The following CYP3A43 variants were observed in gnomAD, a reference collection of about 807,000 sequenced individuals.
The protein encoded by CYP3A43 is cytochrome P450 family 3 subfamily A member 43, also known as cytochrome P450 3A43.
In CYP3A43, 45 loss-of-function variants were observed where a neutral mutation model predicts 58.0. The observed-to-expected ratio is 0.78, with a 90% CI of 0.61 to 0.99. The LOEUF is 0.99. Among genes scored for constraint, CYP3A43 ranks in the 50% least tolerant of loss-of-function variants. The pLI, the probability that CYP3A43 is intolerant of heterozygous loss-of-function variation, is 0.00. For synonymous variants in CYP3A43, 191 were observed against 201.4 expected, an observed-to-expected ratio of 0.95 and a Z score of 0.44; for missense variants, 593 against 591.9, an observed-to-expected ratio of 1.00 and a Z score of -0.02.
Position 99,863,536 on chromosome 7 carries a change from G to C in CYP3A43, c.1254-1G>C. The C allele has an allele frequency of 1.3e-6, 2 of 1,592,606 alleles. No individual in the cohort carries two copies. Among genetic ancestry groups the C allele is most frequent in the Middle Eastern group, 1.7e-4 (1 of 5,966 alleles). ...GTTTTTATGTACTACTGTGAAAGTA[G>C]GTTCAGTAAGAAGAACAAGGACAGC... On this transcript the variant is annotated splice_acceptor_variant, in intron 11 of 12. Transcript: ENST00000354829. LOFTEE classifies it high-confidence loss of function.
intron 9 of CYP3A43, among the ~76,000 whole-genome samples, chr7:99,857,335 T>C (rs1029649173): frequency 6.6e-6 from 1 of 152,180 alleles, no homozygotes; most frequent in African/African-American, 2.4e-5. Flanking sequence ...TTTCCCTATA[T>C]AATGGAAAAG....
chr7:99,848,482 G>A (rs1817623440), intron 6 of CYP3A43, among the ~76,000 whole-genome samples: 1 of 152,172 alleles, frequency 6.6e-6, no homozygotes. Flanking sequence ...TAACTTATCT[G>A]TTACATTGTC....
chr7:99,842,941 A>C (rs1482163594), intron 3 of CYP3A43, among the ~76,000 whole-genome samples: 2 of 152,118 alleles, frequency 1.3e-5, no homozygotes, highest in Non-Finnish European at 2.9e-5. Context: ...TACCCTGACA[A>C]TGTCAATTTC....
chr7:99,859,508 A>G (rs1818135823), intron 9 of CYP3A43, among the ~76,000 whole-genome samples: 1 of 152,182 alleles, frequency 6.6e-6, no homozygotes, highest in African/African-American at 2.4e-5. Context: ...TATCCAAGGG[A>G]CATCCCTATA....
At chr7:99,847,221 G>A (rs1359470400) in intron 4 of CYP3A43, among the ~76,000 whole-genome samples, 3 of 151,966 alleles carry the variant, frequency 2.0e-5, no homozygotes, top group Non-Finnish European at 2.9e-5. Flanking sequence ...TCTCTTCCAC[G>A]TGGAAACCAT....
chr7:99,843,228 TTC>T (rs1489726237), intron 3 of CYP3A43, among the ~76,000 whole-genome samples: 1 of 152,012 alleles, frequency 6.6e-6, no homozygotes, highest in African/African-American at 2.4e-5. Context: ...ACTCTCCTTC[TTC>T]TCTCTCCTGC....
Position 99,833,432 on chromosome 7 carries a change from G to A in CYP3A43, c.72-3021G>A, listed in dbSNP as rs980870913. Reference sequence around the variant, plus strand: ...TTTCTTACATTTCAAGGAAAAACACGTTTTGTGACTTGAGTTTATCTGTCT... The same window carrying A: ...TTTCTTACATTTCAAGGAAAAACACATTTTGTGACTTGAGTTTATCTGTCT... On this transcript the variant is annotated intron_variant, in intron 1 of 12. Transcript: ENST00000354829. Among the ~76,000 whole-genome samples, 20 of 152,184 alleles carry A rather than the reference G, an allele frequency of 1.3e-4. 1 individual carries two copies. The highest frequency in any genetic ancestry group is 1.1e-3 in the Admixed American group (17 of 15,270).
rs564853073 is a variant in CYP3A43, at chr7:99,846,578, T to G, written c.319-910T>G. Among the ~76,000 whole-genome samples the G allele has an allele frequency of 1.1e-4, 16 of 152,326 alleles. No individual in the cohort carries two copies. In the South Asian group the frequency reaches 2.3e-3, roughly 22 times the overall value. ...GTCCAATCTGTATGCCTTTAATTTTTTTCTCATCTATAGCACTGAGACATC... is the reference window on the plus strand; with the variant it reads ...GTCCAATCTGTATGCCTTTAATTTTGTTCTCATCTATAGCACTGAGACATC... On this transcript the variant is annotated intron_variant, in intron 4 of 12. Coordinates refer to ENST00000354829, the MANE Select transcript of CYP3A43 (RefSeq NM_057095.3).
chr7:99,840,485 G>T (rs911531290), intron 3 of CYP3A43, among the ~76,000 whole-genome samples: 1 of 152,142 alleles, frequency 6.6e-6, no homozygotes, highest in East Asian at 1.9e-4. Context: ...TATATCTCAT[G>T]TAAAATGTAG....
chr7:99,828,928 T>C (rs1026869261), intron 1 of CYP3A43, among the ~76,000 whole-genome samples: 2 of 152,208 alleles, frequency 1.3e-5, no homozygotes, highest in Non-Finnish European at 2.9e-5. Context: ...ATAATACTTA[T>C]TCTTTGGAGC....
At chr7:99,837,616 C>G (rs1466508683) in intron 2 of CYP3A43, among the ~76,000 whole-genome samples, 1 of 152,082 alleles carries the variant, frequency 6.6e-6, no homozygotes. Flanking sequence ...CCATCAACTT[C>G]AGATATTTAA....
intron 9 of CYP3A43, among the ~76,000 whole-genome samples, chr7:99,857,949 A>G (rs1818050914): frequency 6.6e-6 from 1 of 152,120 alleles, no homozygotes; most frequent in Non-Finnish European, 1.5e-5. Context: ...TTGTCTATCT[A>G]TGTGTCATCT....
chr7:99,838,821 T>G (rs1817201343), intron 2 of CYP3A43: 2 of 530,406 alleles, frequency 3.8e-6, no homozygotes, highest in Non-Finnish European at 6.1e-6. Flanking sequence ...TTCTACTAAA[T>G]ATACAAAAAT....
chr7:99,850,887 C>T (rs751980665), intron 7 of CYP3A43, among the ~76,000 whole-genome samples: 47 of 152,042 alleles, frequency 3.1e-4, no homozygotes, highest in Non-Finnish European at 5.4e-4. Context: ...CTGCATTTTG[C>T]GCTAGGTGTA....
intron 6 of CYP3A43, 148 bp downstream of exon 6, chr7:99,848,402 T>C: frequency 5.4e-6 from 4 of 745,236 alleles, no homozygotes; most frequent in East Asian, 2.7e-5. Flanking sequence ...CCCAAGATGG[T>C]GTTGCTCACA....
At chr7:99,860,084 G>GT (rs2151624447) in intron 10 of CYP3A43, 94 bp downstream of exon 10, 3 of 1,436,116 alleles carry the variant, frequency 2.1e-6, no homozygotes, top group South Asian at 2.8e-5. Flanking sequence ...TGCAAAAAGC[G>GT]TAAGCATCAG....
At chr7:99,828,291 G>A in intron 1 of CYP3A43, 105 bp downstream of exon 1, 1 of 851,430 alleles carries the variant, frequency 1.2e-6, no homozygotes, top group Non-Finnish European at 1.8e-6. Flanking sequence ...ATAACGGAGG[G>A]GAAGTTACCT....
chr7:99,854,098 G>A (rs1817874454), intron 7 of CYP3A43, among the ~76,000 whole-genome samples: 1 of 152,026 alleles, frequency 6.6e-6, no homozygotes, highest in Admixed American at 6.6e-5. Context: ...CAAACCATAG[G>A]TCTTATTCAT....
At chr7:99,830,929 A>G (rs1466342142) in intron 1 of CYP3A43, among the ~76,000 whole-genome samples, 3 of 152,238 alleles carry the variant, frequency 2.0e-5, no homozygotes, top group Non-Finnish European at 4.4e-5. Flanking sequence ...AAGTAAATAA[A>G]CATTATCCAC....
Sources: allele counts gnomAD v4.1 joint callset (sites outside exome capture counted in the v4.1 genomes callset), GRCh38; gene constraint gnomAD v4.1.1; transcripts MANE v1.5; gene names NCBI Gene and HGNC (gene_info 2026-07-23, HGNC 2026-07-21).